NEK10: variants seen among roughly 807,000 people sequenced by gnomAD.
NEK10 encodes NIMA related kinase 10.
A neutral mutation model predicts 159.8 loss-of-function variants in NEK10; 122 were observed. The ratio of observed to expected loss-of-function variants is 0.76; its 90% CI spans 0.66 to 0.89. The LOEUF is 0.89. Ranked by LOEUF, NEK10 falls within the 40% of genes least tolerant of loss-of-function variation. The probability of loss-of-function intolerance (pLI) is 0.00; values close to 1 mark genes in which losing one functional copy is unlikely to be tolerated. For synonymous variants in NEK10, 466 were observed against 457.1 expected (o/e 1.02, Z -0.25); for missense variants, 1,342 against 1,323.1 (o/e 1.01, Z -0.22).
intron 30 of NEK10, among the ~76,000 whole-genome samples, chr3:27,142,135 C>A (rs971811282): frequency 6.6e-6 from 1 of 152,160 alleles, no homozygotes; most frequent in African/African-American, 2.4e-5. Flanking sequence ...CTCTCCATGT[C>A]TAAGTAGGGC....
rs1947407615 is a variant in NEK10, at chr3:27,175,371, T to G, written c.2506-538A>C. Among the ~76,000 whole-genome samples, 5 of 152,286 alleles carry G rather than the reference T, an allele frequency of 3.3e-5. No homozygotes were observed. In the South Asian group the frequency reaches 1.0e-3, roughly 32 times the overall value. The stretch of plus-strand genomic sequence containing the variant: ...ACACTACTGCCTGGCTTGAACACTC[T>G]CTGCAGAACTAGCCACAGGGTCCTC... On this transcript the variant is annotated intron_variant, in intron 26 of 35. Transcript: ENST00000691995.
At chr3:27,177,601 C>A (rs546727614) in intron 26 of NEK10, among the ~76,000 whole-genome samples, 51 of 150,898 alleles carry the variant, frequency 3.4e-4, no homozygotes, top group African/African-American at 1.1e-3. Flanking sequence ...GTTTTTGCTT[C>A]AAAAAAAAAT....
chr3:27,322,771 A>G (rs1489336894), intron 5 of NEK10, among the ~76,000 whole-genome samples: 1 of 152,098 alleles, frequency 6.6e-6, no homozygotes, highest in African/African-American at 2.4e-5. Context: ...TTCATAGAGT[A>G]CTTGTTTTTT....
chr3:27,255,589 C>T (rs1956093622), intron 23 of NEK10, among the ~76,000 whole-genome samples: 1 of 152,044 alleles, frequency 6.6e-6, no homozygotes, highest in South Asian at 2.1e-4. Flanking sequence ...CTACTCTTTA[C>T]CATAACTGTT....
intron 26 of NEK10, among the ~76,000 whole-genome samples, chr3:27,189,052 T>G (rs1480369626): frequency 6.6e-6 from 1 of 152,168 alleles, no homozygotes; most frequent in African/African-American, 2.4e-5. Flanking sequence ...GTTAAAATTT[T>G]ATTTCCTTTT....
intron 25 of NEK10, among the ~76,000 whole-genome samples, chr3:27,196,588 G>C (rs1375433332): frequency 6.6e-6 from 1 of 152,146 alleles, no homozygotes. Context: ...GTTGCTATCT[G>C]ACTCCCCTAC....
chr3:27,170,419 G>A (rs1282922623), intron 29 of NEK10, among the ~76,000 whole-genome samples: 6 of 152,122 alleles, frequency 3.9e-5, no homozygotes, highest in African/African-American at 1.4e-4. Flanking sequence ...CTAGAATATT[G>A]GCCTAGAATA....
intron 26 of NEK10, among the ~76,000 whole-genome samples, chr3:27,175,763 CAAAG>C (rs1422131979): frequency 6.6e-6 from 1 of 151,974 alleles, no homozygotes; most frequent in African/African-American, 2.4e-5. Context: ...GACAAAAAGA[CAAAG>C]AAAGGCTGTG....
At chr3:27,243,222 TAAA>T (rs1270063815) in intron 23 of NEK10, among the ~76,000 whole-genome samples, 1 of 151,942 alleles carries the variant, frequency 6.6e-6, no homozygotes, top group East Asian at 1.9e-4. Flanking sequence ...AATGCCAAGA[TAAA>T]AAAGTTAATA....
At chr3:27,277,128 TC>T (rs1425143211) in intron 22 of NEK10, among the ~76,000 whole-genome samples, 1 of 152,130 alleles carries the variant, frequency 6.6e-6, no homozygotes, top group Non-Finnish European at 1.5e-5. Flanking sequence ...TTGCCTCCCA[TC>T]TTTGAATTTG....
chr3:27,145,863 T>A (rs1944248376), intron 30 of NEK10, among the ~76,000 whole-genome samples: 2 of 150,996 alleles, frequency 1.3e-5, no homozygotes, highest in Admixed American at 6.6e-5. Flanking sequence ...GGGAGGTGAT[T>A]AGGTCCTAAG....
intron 4 of NEK10, among the ~76,000 whole-genome samples, 168 bp from the exon 5 acceptor site, chr3:27,344,538 G>A (rs1004879804): frequency 6.6e-6 from 1 of 152,164 alleles, no homozygotes; most frequent in Non-Finnish European, 1.5e-5. Context: ...TTAACATGTT[G>A]CTAAAAGCAA....
chr3:27,341,466 T>C (rs1247186837), intron 5 of NEK10, among the ~76,000 whole-genome samples: 5 of 152,118 alleles, frequency 3.3e-5, no homozygotes, highest in Admixed American at 6.6e-5. Context: ...CCCATAAATA[T>C]GTAAAATATT....
chr3:27,124,718 T>C (rs1941742219), intron 32 of NEK10, among the ~76,000 whole-genome samples: 1 of 152,196 alleles, frequency 6.6e-6, no homozygotes, highest in Admixed American at 6.5e-5. Context: ...AAACGGATGC[T>C]TTCAAGGAAA....
chr3:27,176,006 G>A (rs1291244375), intron 26 of NEK10, among the ~76,000 whole-genome samples: 1 of 152,014 alleles, frequency 6.6e-6, no homozygotes, highest in Non-Finnish European at 1.5e-5. Context: ...ACAGCTCCAA[G>A]GCACAGGTTT....
chr3:27,137,218 T>A (rs1015602470), intron 31 of NEK10, among the ~76,000 whole-genome samples: 2 of 152,180 alleles, frequency 1.3e-5, no homozygotes, highest in Non-Finnish European at 2.9e-5. Flanking sequence ...TATTTGAACT[T>A]GTAGCAAGGA....
intron 8 of NEK10, chr3:27,311,286 C>T (rs2149593287): frequency 3.6e-6 from 1 of 278,306 alleles, no homozygotes; most frequent in Non-Finnish European, 6.7e-6. Flanking sequence ...CTTGAAGTTC[C>T]TTAACATCAT....
intron 22 of NEK10, among the ~76,000 whole-genome samples, chr3:27,280,054 A>G (rs946436466): frequency 1.2e-4 from 17 of 146,180 alleles, no homozygotes; most frequent in Non-Finnish European, 2.1e-4. Flanking sequence ...TGAATTGACC[A>G]TATGTTTTTA....
chr3:27,295,370 T>C (rs1030514656), intron 15 of NEK10, among the ~76,000 whole-genome samples: 2 of 152,220 alleles, frequency 1.3e-5, no homozygotes, highest in Non-Finnish European at 2.9e-5. Context: ...AACTTATTGA[T>C]AAGCAAAGAA....
Sources: allele counts gnomAD v4.1 joint callset (sites outside exome capture counted in the v4.1 genomes callset), GRCh38; gene constraint gnomAD v4.1.1; transcripts MANE v1.5; gene names NCBI Gene and HGNC (gene_info 2026-07-23, HGNC 2026-07-21).